The following OLA1 variants were observed in gnomAD, a reference collection of about 807,000 sequenced individuals.
OLA1 encodes obg-like ATPase 1.
A neutral mutation model predicts 48.4 loss-of-function variants in OLA1; 14 were observed. The ratio of observed to expected loss-of-function variants is 0.29; its 90% CI spans 0.19 to 0.45. The LOEUF (loss-of-function observed/expected upper bound fraction) is 0.45, where lower values mean the gene tolerates loss of function less well. OLA1 is among the 20% of genes least tolerant of loss of function. The pLI, the probability that OLA1 is intolerant of heterozygous loss-of-function variation, is 1.00. For missense variants in OLA1, 325 were observed against 467.1 expected, an observed-to-expected ratio of 0.70 and a Z score of 2.80; for synonymous variants, 127 against 150.4, an observed-to-expected ratio of 0.84 and a Z score of 1.14.
intron 7 of OLA1, among the ~76,000 whole-genome samples, chr2:174,103,383 C>T (rs1262345869): frequency 6.6e-6 from 1 of 152,084 alleles, no homozygotes; most frequent in East Asian, 1.9e-4. Context: ...ATGCCCATGC[C>T]CATCTGTTTA....
At chr2:174,141,006 A>T (rs1353450004) in intron 5 of OLA1, among the ~76,000 whole-genome samples, 1 of 152,166 alleles carries the variant, frequency 6.6e-6, no homozygotes, top group East Asian at 1.9e-4. Flanking sequence ...ATCTTGGCTC[A>T]CTGCAACCTC....
chr2:174,110,359 C>G (rs963103702), intron 7 of OLA1, among the ~76,000 whole-genome samples: 7 of 144,304 alleles, frequency 4.9e-5, no homozygotes, highest in African/African-American at 1.9e-4. Flanking sequence ...AACATGTTGC[C>G]CAGGCTGGTC....
In OLA1 at chr2:174,117,847, A is replaced by G. The variant is rs1305393004; in HGVS notation, c.728+5333T>C. Among the ~76,000 whole-genome samples, 3 of 152,168 alleles carry G rather than the reference A, an allele frequency of 2.0e-5. No homozygotes were observed. In the East Asian group the frequency reaches 5.8e-4, roughly 29 times the overall value. On this transcript the variant is annotated intron_variant, in intron 7 of 10. Coordinates refer to ENST00000284719, the MANE Select transcript of OLA1 (RefSeq NM_013341.5). ...ATATTTCCCACTCCCAACAGTCCTGAGATTTCTGAGCTTCAAAATTCTCCA... is the reference window on the plus strand; with the variant it reads ...ATATTTCCCACTCCCAACAGTCCTGGGATTTCTGAGCTTCAAAATTCTCCA...
At chr2:174,224,736 C>A (rs1329107140) in intron 3 of OLA1, among the ~76,000 whole-genome samples, 1 of 152,186 alleles carries the variant, frequency 6.6e-6, no homozygotes, top group African/African-American at 2.4e-5. Context: ...TCACTCTGAA[C>A]ATGGATGAGA....
chr2:174,247,817 C>G (rs1213444695), intron 1 of OLA1: 1 of 1,544,612 alleles, frequency 6.5e-7, no homozygotes, highest in Non-Finnish European at 8.8e-7. Flanking sequence ...ATTTACAAGT[C>G]GAAACTTTCT....
chr2:174,160,339 CA>C (rs1686982330), intron 4 of OLA1, among the ~76,000 whole-genome samples: 4 of 152,068 alleles, frequency 2.6e-5, no homozygotes, highest in Admixed American at 2.6e-4. Flanking sequence ...AACGTATAAA[CA>C]TTTCAGCAAA....
At chr2:174,121,155 T>C (rs1685905868) in intron 7 of OLA1, among the ~76,000 whole-genome samples, 2 of 152,244 alleles carry the variant, frequency 1.3e-5, no homozygotes, top group Admixed American at 6.5e-5. Context: ...ATAATAAAAA[T>C]TTATTCTGCA....
chr2:174,113,910 A>G (rs1009359151), intron 7 of OLA1, among the ~76,000 whole-genome samples: 2 of 152,146 alleles, frequency 1.3e-5, no homozygotes, highest in Non-Finnish European at 2.9e-5. Flanking sequence ...TGGGCATGAT[A>G]ATATCTGCTT....
At position 174,135,829 on chromosome 2, in the gene OLA1, T is replaced by C. The variant is rs148917209; in HGVS notation, c.549+5996A>G. ...TTACAGTACAACCATACCTCAGAGATACTGCAGGTTTAGTTCCAATAAAGT... is the reference window on the plus strand; with the variant it reads ...TTACAGTACAACCATACCTCAGAGACACTGCAGGTTTAGTTCCAATAAAGT... On this transcript the variant is annotated intron_variant, in intron 5 of 10. Transcript: ENST00000284719. Among the ~76,000 whole-genome samples, 29 of 152,316 alleles carry C rather than the reference T, an allele frequency of 1.9e-4. 1 individual carries two copies. In the East Asian group the frequency reaches 5.6e-3, roughly 29 times the overall value.
intron 1 of OLA1, chr2:174,248,026 T>G: frequency 2.6e-6 from 1 of 382,594 alleles, no homozygotes. Context: ...CAGCCTCTGA[T>G]CCCTGACCCC....
At chr2:174,235,029 C>T (rs536566680) in intron 2 of OLA1, among the ~76,000 whole-genome samples, 64 of 152,164 alleles carry the variant, frequency 4.2e-4, no homozygotes, top group African/African-American at 1.5e-3. Context: ...CATGGTGGCA[C>T]ATGCCTGTAA....
chr2:174,165,465 C>T (rs898941344), intron 4 of OLA1, among the ~76,000 whole-genome samples: 3 of 152,280 alleles, frequency 2.0e-5, no homozygotes, highest in Admixed American at 1.3e-4. Flanking sequence ...AAGGTTTCTT[C>T]GTTTCCAAAC....
intron 4 of OLA1, among the ~76,000 whole-genome samples, chr2:174,154,476 C>T (rs942828197): frequency 6.6e-6 from 1 of 151,932 alleles, no homozygotes; most frequent in Admixed American, 6.6e-5. Flanking sequence ...CTTTTTTGGG[C>T]CTAAAAGATA....
At chr2:174,247,861 G>A (rs1689161777) in intron 1 of OLA1, 5 of 1,443,318 alleles carry the variant, frequency 3.5e-6, no homozygotes, top group Middle Eastern at 2.1e-4. Context: ...CAAATCATGC[G>A]TGCAGAATTA....
At chr2:174,144,890 T>A (rs1206665970) in intron 4 of OLA1, among the ~76,000 whole-genome samples, 1 of 128,722 alleles carries the variant, frequency 7.8e-6, no homozygotes, top group African/African-American at 3.0e-5. Flanking sequence ...GAGGCTGCAG[T>A]GAGCTGTGAT....
intron 4 of OLA1, among the ~76,000 whole-genome samples, chr2:174,153,734 C>T (rs996296035): frequency 6.6e-6 from 1 of 152,178 alleles, no homozygotes; most frequent in Non-Finnish European, 1.5e-5. Context: ...CATAGCAACT[C>T]TTTTCAAAGA....
intron 7 of OLA1, among the ~76,000 whole-genome samples, chr2:174,106,573 G>A (rs755494711): frequency 1.3e-5 from 2 of 152,100 alleles, no homozygotes; most frequent in Non-Finnish European, 2.9e-5. Flanking sequence ...TTGCTGTTGT[G>A]CTTTCGTATT....
chr2:174,218,014 T>G (rs1164548995), intron 4 of OLA1: 1 of 151,290 alleles, frequency 6.6e-6, no homozygotes, highest in African/African-American at 2.4e-5. Context: ...CTTTTTTTTT[T>G]AAAGAAGCAA....
At chr2:174,233,003 T>C (rs918548228) in intron 2 of OLA1, among the ~76,000 whole-genome samples, 1 of 152,162 alleles carries the variant, frequency 6.6e-6, no homozygotes, top group Non-Finnish European at 1.5e-5. Flanking sequence ...CTACATATGA[T>C]AGAACATTAC....
Sources: gnomAD v4.1 joint callset for allele counts (sites outside exome capture counted in the v4.1 genomes callset) on GRCh38, gnomAD v4.1.1 for gene constraint, MANE v1.5 for transcripts, NCBI Gene and HGNC (gene_info 2026-07-23, HGNC 2026-07-21) for gene names.